The following OPCML variants were observed in gnomAD, a reference collection of about 807,000 sequenced individuals.
The protein encoded by OPCML is opioid binding protein/cell adhesion molecule like.
A neutral mutation model predicts 37.8 loss-of-function variants in OPCML; 13 were observed. That is an observed-to-expected ratio of 0.34 (90% CI 0.22 to 0.55). OPCML has a LOEUF of 0.55. Ranked by LOEUF, OPCML falls within the 20% of genes least tolerant of loss-of-function variation. The pLI is 0.91. For missense variants in OPCML, 341 were observed against 435.6 expected (o/e 0.78, Z 1.93); for synonymous variants, 176 against 168.8 (o/e 1.04, Z -0.33).
chr11:133,400,831 A>G (rs1945387744), intron 1 of OPCML, among the ~76,000 whole-genome samples: 1 of 152,238 alleles, frequency 6.6e-6, no homozygotes, highest in African/African-American at 2.4e-5. Context: ...TGGGATCCTA[A>G]GGTAGTAGGT....
At chr11:133,210,514 A>G (rs920794187) in intron 1 of OPCML, among the ~76,000 whole-genome samples, 4 of 152,038 alleles carry the variant, frequency 2.6e-5, no homozygotes, top group African/African-American at 9.7e-5. Context: ...ACTTATATGT[A>G]TCATGTATTT....
At chr11:132,814,187 G>A (rs1939502081) in intron 2 of OPCML, among the ~76,000 whole-genome samples, 1 of 152,198 alleles carries the variant, frequency 6.6e-6, no homozygotes, top group Non-Finnish European at 1.5e-5. Context: ...TATGTACGAG[G>A]AACTGGAGAG....
intron 3 of OPCML, among the ~76,000 whole-genome samples, chr11:132,558,343 C>G (rs192033555): frequency 3.3e-4 from 7 of 21,156 alleles, no homozygotes; most frequent in East Asian, 3.1e-3. Flanking sequence ...CTCCTCCTCT[C>G]CCCCTCCTCC....
intron 4 of OPCML, among the ~76,000 whole-genome samples, chr11:132,512,483 C>A (rs1398320142): frequency 6.6e-6 from 1 of 151,710 alleles, no homozygotes; most frequent in African/African-American, 2.4e-5. Context: ...AATGAGTAAA[C>A]AAACAGTGGT....
chr11:133,109,441 G>A lies in OPCML; in HGVS notation c.62-166431C>T, dbSNP rs553045777. Among the ~76,000 whole-genome samples, 52 of 152,182 alleles carry A rather than the reference G, an allele frequency of 3.4e-4. No individual in the cohort carries two copies. In the South Asian group the frequency reaches 0.011, roughly 31 times the overall value. On this transcript the variant is annotated intron_variant, in intron 1 of 7. Transcript: ENST00000524381. ...GTGCCCTTTTTTCAATCCTCCCTGC[G>A]ATTGGCTACTTTTAGGATCCTGATG...
chr11:133,314,001 C>G (rs535334843), intron 1 of OPCML, among the ~76,000 whole-genome samples: 5 of 151,892 alleles, frequency 3.3e-5, no homozygotes, highest in South Asian at 2.1e-4. Flanking sequence ...TTTGGGAGGC[C>G]GAGGCGGGCG....
rs77642206 is a variant in OPCML, at chr11:133,147,460, C to T, written c.62-204450G>A. On this transcript the variant is annotated intron_variant, in intron 1 of 7. Coordinates refer to ENST00000524381, the MANE Select transcript of OPCML (RefSeq NM_001012393.5). ...GGAGAAAGCCCTACCCGCTTCAAAA[C>T]AGGAAGACTCTACCCTCTGAGCGAG... 9.7e-3 allele frequency among the ~76,000 whole-genome samples: 1,470 copies of T among 152,260 alleles called. 6 individuals are homozygous for T. Among genetic ancestry groups the T allele is most frequent in the African/African-American group, 0.022 (929 of 41,548 alleles).
chr11:133,504,143 A>G (rs985158550), intron 1 of OPCML, among the ~76,000 whole-genome samples: 3 of 152,174 alleles, frequency 2.0e-5, no homozygotes, highest in African/African-American at 7.2e-5. Flanking sequence ...GGAAGTCACT[A>G]TCTGGGGCTC....
At chr11:132,636,094 C>T (rs1940479519) in intron 3 of OPCML, among the ~76,000 whole-genome samples, 2 of 152,134 alleles carry the variant, frequency 1.3e-5, no homozygotes, top group Non-Finnish European at 2.9e-5. Flanking sequence ...GTTTTGCGCA[C>T]CCAGTTACCT....
intron 7 of OPCML, among the ~76,000 whole-genome samples, chr11:132,420,996 T>G (rs1386096906): frequency 6.6e-6 from 1 of 151,984 alleles, no homozygotes; most frequent in Non-Finnish European, 1.5e-5. Flanking sequence ...TCTCTCTCTC[T>G]CTCTCTCTGG....
chr11:132,946,550 G>C (rs1022450238), intron 1 of OPCML, among the ~76,000 whole-genome samples: 1 of 152,188 alleles, frequency 6.6e-6, no homozygotes, highest in Non-Finnish European at 1.5e-5. Context: ...TGGAGGATGA[G>C]AAGTTTTTAG....
intron 4 of OPCML, among the ~76,000 whole-genome samples, chr11:132,462,880 A>G (rs953339238): frequency 3.9e-5 from 6 of 152,162 alleles, no homozygotes; most frequent in African/African-American, 1.4e-4. Flanking sequence ...AGACATGGAG[A>G]GGGACAGGGG....
In OPCML at chr11:132,591,659, T is replaced by A. The variant is rs2096484640; in HGVS notation, c.380-62473A>T. ...CTCAGTCTCCTCATCTTTAAAATGG[T>A]AACAGTGAGGATTCTGCCTCCACAG... is the stretch of plus-strand genomic sequence containing the variant. On this transcript the variant is annotated intron_variant, in intron 3 of 7. Transcript: ENST00000524381. 2.0e-5 allele frequency among the ~76,000 whole-genome samples: 3 copies of A among 152,302 alleles called. No homozygotes were observed. The South Asian group carries it at 6.2e-4, about 32-fold the overall frequency.
At chr11:133,527,159 A>G (rs961321526) in intron 1 of OPCML, among the ~76,000 whole-genome samples, 3 of 152,248 alleles carry the variant, frequency 2.0e-5, no homozygotes, top group African/African-American at 7.2e-5. Context: ...CCATAGGCCA[A>G]AGGCTATTAG....
At chr11:132,642,926 G>C (rs1232889428) in intron 3 of OPCML, among the ~76,000 whole-genome samples, 1 of 152,114 alleles carries the variant, frequency 6.6e-6, no homozygotes, top group Non-Finnish European at 1.5e-5. Context: ...CTTTTCTGTT[G>C]AATATACCTC....
intron 4 of OPCML, among the ~76,000 whole-genome samples, chr11:132,479,779 G>C (rs1005808238): frequency 5.0e-4 from 76 of 152,064 alleles, no homozygotes; most frequent in East Asian, 3.1e-3. Context: ...ACACCTCACA[G>C]GGCCGGGTAC....
chr11:133,454,885 T>C (rs1199372305), intron 1 of OPCML, among the ~76,000 whole-genome samples: 1 of 152,150 alleles, frequency 6.6e-6, no homozygotes, highest in East Asian at 1.9e-4. Context: ...GGTCCAGAGT[T>C]GGATAAAAAG....
chr11:132,756,089 A>G (rs1946032959), intron 2 of OPCML, among the ~76,000 whole-genome samples: 2 of 152,030 alleles, frequency 1.3e-5, no homozygotes, highest in South Asian at 4.2e-4. Context: ...TCCAAACTCA[A>G]CTCATGACCT....
intron 1 of OPCML, among the ~76,000 whole-genome samples, chr11:133,109,968 GC>G (rs1369893588): frequency 1.3e-5 from 2 of 152,192 alleles, no homozygotes. Context: ...AGACAATTTT[GC>G]TCTCCATAGG....
Sources: gnomAD v4.1 joint callset for allele counts (sites outside exome capture counted in the v4.1 genomes callset) on GRCh38, gnomAD v4.1.1 for gene constraint, MANE v1.5 for transcripts, NCBI Gene and HGNC (gene_info 2026-07-23, HGNC 2026-07-21) for gene names.